The following SAMMSON variants were observed in gnomAD, a reference collection of about 807,000 sequenced individuals.
The protein encoded by SAMMSON is long intergenic non-protein coding RNA 1212.
chr3:70,022,947 G>T (rs1235999709), intron 3 of SAMMSON, among the ~76,000 whole-genome samples: 1 of 152,162 alleles, frequency 6.6e-6, no homozygotes, highest in African/African-American at 2.4e-5. Flanking sequence ...AGTTGGGTTG[G>T]TATTTCATGT....
chr3:70,112,523 T>C (rs1442237609), intron 4 of SAMMSON, among the ~76,000 whole-genome samples: 1 of 152,086 alleles, frequency 6.6e-6, no homozygotes, highest in African/African-American at 2.4e-5. Context: ...TGAAAGGATA[T>C]TGATATGGGA....
At chr3:70,265,496 GCA>G (rs1161395558) in intron 6 of SAMMSON, among the ~76,000 whole-genome samples, 1 of 148,246 alleles carries the variant, frequency 6.7e-6, no homozygotes, top group Non-Finnish European at 1.5e-5. Flanking sequence ...CATACTCCCT[GCA>G]CACACACACT....
At position 70,370,776 on chromosome 3, in the gene SAMMSON, A is replaced by G. The variant is rs1196634433; in HGVS notation, n.913+12452A>G. On this transcript the variant is annotated intron_variant and non_coding_transcript_variant, in intron 9 of 9. Coordinates refer to ENST00000642114, the Ensembl canonical transcript of SAMMSON. ...CTTTCATTCAACAGGTTGTGTCTTC[A>G]CTCTTAATAATTTCCTTTGCTGTGC... Among the ~76,000 whole-genome samples, 5 of 151,872 alleles carry G rather than the reference A, an allele frequency of 3.3e-5. No individual in the cohort carries two copies. The East Asian group carries it at 9.6e-4, about 29-fold the overall frequency.
At chr3:70,133,009 T>A (rs543037057) in intron 4 of SAMMSON, among the ~76,000 whole-genome samples, 1 of 152,226 alleles carries the variant, frequency 6.6e-6, no homozygotes, top group South Asian at 2.1e-4. Context: ...TAGGGCACTG[T>A]GATATTGTGA....
chr3:70,230,141 A>G (rs953172880), intron 4 of SAMMSON, among the ~76,000 whole-genome samples: 1 of 152,220 alleles, frequency 6.6e-6, no homozygotes, highest in Non-Finnish European at 1.5e-5. Flanking sequence ...GGTCAGGCCG[A>G]AATTGAAATC....
intron 4 of SAMMSON, among the ~76,000 whole-genome samples, chr3:70,180,313 C>T (rs149919739): frequency 2.4e-4 from 37 of 152,134 alleles, no homozygotes; most frequent in African/African-American, 8.4e-4. Context: ...GTCTAACACA[C>T]AGCAAGTTTT....
chr3:70,189,276 G>A (rs573192868), intron 4 of SAMMSON, among the ~76,000 whole-genome samples: 1 of 152,222 alleles, frequency 6.6e-6, no homozygotes, highest in South Asian at 2.1e-4. Flanking sequence ...GAGTTTCATA[G>A]GGCATCCTGG....
intron 4 of SAMMSON, among the ~76,000 whole-genome samples, chr3:70,142,258 T>C (rs1028888885): frequency 1.3e-5 from 2 of 152,106 alleles, no homozygotes; most frequent in African/African-American, 2.4e-5. Flanking sequence ...CAATTCACAA[T>C]TGCGAAAACA....
chr3:70,422,919 T>G (rs1163743458), intron 2 of SAMMSON, among the ~76,000 whole-genome samples: 3 of 151,962 alleles, frequency 2.0e-5, no homozygotes, highest in Non-Finnish European at 2.9e-5. Flanking sequence ...AACACATCCT[T>G]GGGTAAACCA....
At chr3:70,031,112 C>CA (rs1418076467) in intron 3 of SAMMSON, among the ~76,000 whole-genome samples, 4 of 152,066 alleles carry the variant, frequency 2.6e-5, no homozygotes, top group Non-Finnish European at 5.9e-5. Flanking sequence ...GCAACATTAT[C>CA]CACAATAGCC....
At chr3:70,260,869 G>C (rs1326998937) in intron 6 of SAMMSON, among the ~76,000 whole-genome samples, 4 of 152,022 alleles carry the variant, frequency 2.6e-5, no homozygotes, top group Non-Finnish European at 5.9e-5. Context: ...CCTCCAGTTA[G>C]AGAATGTACC....
intron 4 of SAMMSON, among the ~76,000 whole-genome samples, chr3:70,223,156 T>A (rs1701475395): frequency 6.6e-6 from 1 of 152,164 alleles, no homozygotes; most frequent in Non-Finnish European, 1.5e-5. Flanking sequence ...ACTCTTTACG[T>A]CTATTTGTAA....
intron 7 of SAMMSON, among the ~76,000 whole-genome samples, chr3:70,300,545 C>A (rs1702337366): frequency 1.3e-5 from 2 of 151,898 alleles, no homozygotes; most frequent in Admixed American, 1.3e-4. Flanking sequence ...AGCCTTTAAC[C>A]ATGTTACTTT....
intron 7 of SAMMSON, among the ~76,000 whole-genome samples, chr3:70,309,309 T>A (rs1279808158): frequency 6.6e-6 from 1 of 152,158 alleles, no homozygotes; most frequent in Non-Finnish European, 1.5e-5. Flanking sequence ...TACCACTTTG[T>A]TGTAGGTATT....
intron 4 of SAMMSON, among the ~76,000 whole-genome samples, chr3:70,171,420 TA>T (rs34713123): frequency 6.6e-6 from 1 of 151,974 alleles, no homozygotes; most frequent in South Asian, 2.1e-4. Flanking sequence ...AATATAAGTT[TA>T]AAAAAATCTT....
chr3:70,333,964 A>G (rs1437725237), intron 7 of SAMMSON, among the ~76,000 whole-genome samples: 1 of 152,230 alleles, frequency 6.6e-6, no homozygotes, highest in African/African-American at 2.4e-5. Flanking sequence ...CCTATTACAC[A>G]GGTGGGGAAT....
At chr3:70,321,059 G>A (rs1702535303) in intron 7 of SAMMSON, among the ~76,000 whole-genome samples, 1 of 152,034 alleles carries the variant, frequency 6.6e-6, no homozygotes, top group African/African-American at 2.4e-5. Flanking sequence ...TTTATTATGA[G>A]TGATTTTTGA....
At chr3:70,284,586 T>A (rs1490973894) in intron 6 of SAMMSON, among the ~76,000 whole-genome samples, 1 of 152,172 alleles carries the variant, frequency 6.6e-6, no homozygotes, top group African/African-American at 2.4e-5. Context: ...AATAAGATCA[T>A]GTCCTTTGCA....
chr3:70,346,724 A>T (rs805472), intron 7 of SAMMSON, among the ~76,000 whole-genome samples: 111,951 of 152,022 alleles, frequency 0.74, 41,693 homozygotes, highest in Middle Eastern at 0.79. Flanking sequence ...TTATATTTTA[A>T]AATATAATTT....
Sources: allele counts gnomAD v4.1 joint callset (sites outside exome capture counted in the v4.1 genomes callset), GRCh38; gene constraint gnomAD v4.1.1; transcripts MANE v1.5; gene names NCBI Gene and HGNC (gene_info 2026-07-23, HGNC 2026-07-21).